The following ATXN1 variants were observed in gnomAD, a reference collection of about 807,000 sequenced individuals.
The protein encoded by ATXN1 is ataxin 1.
In ATXN1, 8 loss-of-function variants were observed where a neutral mutation model predicts 56.4. That is an observed-to-expected ratio of 0.14 (90% CI 0.08 to 0.26). The LOEUF is 0.26. ATXN1 is among the 10% of genes least tolerant of loss of function. The pLI, the probability that ATXN1 is intolerant of heterozygous loss-of-function variation, is 1.00. For synonymous variants in ATXN1, 514 were observed against 494.6 expected, an observed-to-expected ratio of 1.04 and a Z score of -0.52; for missense variants, 987 against 1,106.5, an observed-to-expected ratio of 0.89 and a Z score of 1.53.
intron 3 of ATXN1, among the ~76,000 whole-genome samples, chr6:16,627,269 A>G (rs1039145287): frequency 2.6e-5 from 4 of 152,162 alleles, no homozygotes; most frequent in Non-Finnish European, 5.9e-5. Context: ...CTAGAACTGT[A>G]TGGTTCTATG....
chr6:16,306,272 A>G lies in ATXN1; in HGVS notation c.*57T>C. 4 of 1,524,170 alleles carry G rather than the reference A, an allele frequency of 2.6e-6. No individual in the cohort carries two copies. The South Asian group carries it at 5.1e-5, about 20-fold the overall frequency. The allele number at this position is 1,524,170 out of a possible 1,614,324, so 94.4% of individuals were successfully genotyped here. A position where few individuals can be genotyped will look rare whatever the true frequency, so the allele number is the denominator to read the frequency against. On this transcript the variant is annotated 3_prime_UTR_variant, in exon 8 of 8. Transcript: ENST00000436367. The surrounding 1 kb of genome is among the most constrained non-coding windows in gnomAD (Gnocchi z 5.2). ...ACTGTGTTATTTTAGCCTACAGTACAGTAATCTGGATACAAATGATAAGGG... is the reference window on the plus strand; with the variant it reads ...ACTGTGTTATTTTAGCCTACAGTACGGTAATCTGGATACAAATGATAAGGG...
intron 7 of ATXN1, among the ~76,000 whole-genome samples, chr6:16,314,553 C>T (rs979219034): frequency 1.3e-5 from 2 of 152,126 alleles, no homozygotes; most frequent in African/African-American, 4.8e-5. Flanking sequence ...TCTGTGAATT[C>T]CTTGAATTTA....
Position 16,581,214 on chromosome 6 carries a change from TGTGTGTGTGTGC to T in ATXN1, c.-361+4554_-361+4565del, listed in dbSNP as rs113069452. 5.8e-3 allele frequency among the ~76,000 whole-genome samples: 797 copies of T among 138,354 alleles called. 6 individuals are homozygous for T. Among genetic ancestry groups the T allele is most frequent in the African/African-American group, 0.019 (647 of 34,166 alleles). 90.8% of individuals were successfully genotyped at this position (138,354 alleles called of 152,430 possible). On this transcript the variant is annotated intron_variant, in intron 4 of 7. Transcript: ENST00000436367. ...AATGCACTGTGTGTGTGTGTGTGTG[TGTGTGTGTGTGC>T]GCGCGTGTGTGTGTGTGTGTGTGTG...
chr6:16,674,266 A>G (rs911610445), intron 2 of ATXN1, among the ~76,000 whole-genome samples: 1 of 151,234 alleles, frequency 6.6e-6, no homozygotes, highest in Admixed American at 6.6e-5. Context: ...CAAGCTCACA[A>G]TTCATCCATA....
rs1361101424 is a variant in ATXN1, at chr6:16,546,342, C to A, written c.-360-23654G>T. The stretch of plus-strand genomic sequence containing the variant: ...TAAGCTCCCTCATTTTCCTGAGGTC[C>A]TCAAAAGTCAAATGACCCAGGGCCA... On this transcript the variant is annotated intron_variant, in intron 4 of 7. Transcript: ENST00000436367. Among the ~76,000 whole-genome samples the A allele has an allele frequency of 4.6e-5, 7 of 152,264 alleles. No homozygotes were observed. The East Asian group carries it at 1.3e-3, about 29-fold the overall frequency.
chr6:16,311,938 G>C (rs965753552), intron 7 of ATXN1, among the ~76,000 whole-genome samples: 33 of 152,206 alleles, frequency 2.2e-4, no homozygotes, highest in African/African-American at 7.7e-4. Flanking sequence ...AGAAGCCTTA[G>C]TTCCAAACAT....
intron 7 of ATXN1, among the ~76,000 whole-genome samples, chr6:16,314,622 A>AT (rs910909802): frequency 7.3e-4 from 108 of 147,770 alleles, no homozygotes; most frequent in Middle Eastern, 7.0e-3. Flanking sequence ...TATTATTATT[A>AT]TTTTTTTTTT....
In ATXN1 at chr6:16,583,432, T is replaced by C. The variant is rs530582057; in HGVS notation, c.-361+2348A>G. On this transcript the variant is annotated intron_variant, in intron 4 of 7. Transcript: ENST00000436367. ...AACCTACAGCCTTCCCCTTCATGCA[T>C]CTGTAGGATAAAGCATGCGTTTCCT... 2.0e-5 allele frequency among the ~76,000 whole-genome samples: 3 copies of C among 152,206 alleles called. No homozygotes were observed. In the South Asian group the frequency reaches 6.2e-4, roughly 32 times the overall value.
intron 7 of ATXN1, among the ~76,000 whole-genome samples, chr6:16,310,212 G>T (rs781030866): frequency 4.6e-5 from 7 of 152,106 alleles, no homozygotes; most frequent in Non-Finnish European, 1.0e-4. Context: ...TAAAGAAAAA[G>T]AATTGTCAAT....
intron 2 of ATXN1, among the ~76,000 whole-genome samples, chr6:16,722,436 T>G (rs917730324): frequency 6.6e-6 from 1 of 152,196 alleles, no homozygotes; most frequent in Admixed American, 6.6e-5. Context: ...AAAGATACAT[T>G]TAAATGAACA....
intron 6 of ATXN1, among the ~76,000 whole-genome samples, chr6:16,375,483 G>T (rs1762124485): frequency 1.3e-5 from 2 of 152,160 alleles, no homozygotes; most frequent in Admixed American, 6.5e-5. Context: ...TGGTTACAAA[G>T]ATTGGGGCAT....
intron 3 of ATXN1, among the ~76,000 whole-genome samples, chr6:16,655,209 C>T (rs1241940635): frequency 6.6e-6 from 1 of 152,120 alleles, no homozygotes; most frequent in African/African-American, 2.4e-5. Flanking sequence ...TCAAAAGAAG[C>T]CTATCTCACT....
chr6:16,588,475 C>T (rs1359446599), intron 3 of ATXN1, among the ~76,000 whole-genome samples: 1 of 152,192 alleles, frequency 6.6e-6, no homozygotes, highest in Non-Finnish European at 1.5e-5. Flanking sequence ...TATCAAATGA[C>T]CTTGTATTCT....
intron 6 of ATXN1, among the ~76,000 whole-genome samples, chr6:16,439,371 GGCGGGGCGGGAATAA>G: frequency 3.5e-5 from 1 of 28,696 alleles, no homozygotes; most frequent in Non-Finnish European, 7.8e-5. Context: ...CGGGGCCGGG[GGCGGGGCGGGAATAA>G]GGGTTGGGGT....
At chr6:16,656,456 T>C (rs924658713) in intron 3 of ATXN1, among the ~76,000 whole-genome samples, 4 of 152,098 alleles carry the variant, frequency 2.6e-5, no homozygotes, top group South Asian at 2.1e-4. Context: ...AGGCTTCAAT[T>C]TGAGGACTCT....
intron 4 of ATXN1, among the ~76,000 whole-genome samples, chr6:16,547,416 T>C (rs1024735235): frequency 6.6e-6 from 1 of 152,186 alleles, no homozygotes; most frequent in Non-Finnish European, 1.5e-5. Context: ...ATGCCTACCA[T>C]GTGGAGTCTC....
chr6:16,419,421 T>C (rs953789688), intron 6 of ATXN1, among the ~76,000 whole-genome samples: 5 of 151,826 alleles, frequency 3.3e-5, no homozygotes, highest in African/African-American at 7.2e-5. Flanking sequence ...TCATATACTC[T>C]TTGTATTTTA....
intron 3 of ATXN1, among the ~76,000 whole-genome samples, chr6:16,606,661 T>C (rs1763011330): frequency 6.6e-6 from 1 of 151,754 alleles, no homozygotes; most frequent in African/African-American, 2.4e-5. Flanking sequence ...CCCAAGTAGC[T>C]GGGACTACAG....
intron 6 of ATXN1, among the ~76,000 whole-genome samples, chr6:16,334,444 A>T (rs962746538): frequency 3.3e-5 from 5 of 152,222 alleles, no homozygotes; most frequent in Middle Eastern, 3.2e-3. Flanking sequence ...TCATTAAAAA[A>T]AATATAATGT....
Sources: allele counts gnomAD v4.1 joint callset (sites outside exome capture counted in the v4.1 genomes callset), GRCh38; gene constraint gnomAD v4.1.1; non-coding constraint Gnocchi (gnomAD v3.1); transcripts MANE v1.5; gene names NCBI Gene and HGNC (gene_info 2026-07-23, HGNC 2026-07-21).